The following A1BG variants were observed in gnomAD, a reference collection of about 807,000 sequenced individuals.
A1BG encodes the protein alpha-1-B glycoprotein.
In A1BG, 44 loss-of-function variants were observed where a neutral mutation model predicts 46.0. The ratio of observed to expected loss-of-function variants is 0.96; its 90% CI spans 0.75 to 1.23. A1BG has a LOEUF of 1.23. Among genes scored for constraint, A1BG ranks in the 50% most tolerant of loss-of-function variants. The probability of loss-of-function intolerance (pLI) is 0.00; values close to 1 mark genes in which losing one functional copy is unlikely to be tolerated. For synonymous variants in A1BG, 316 were observed against 314.7 expected, an observed-to-expected ratio of 1.00 and a Z score of -0.04; for missense variants, 707 against 688.8, an observed-to-expected ratio of 1.03 and a Z score of -0.30.
rs2051914478 is a variant in A1BG, at chr19:58,346,491, AG to A, written c.*530del. ...GTAGTCCCAGCTACTCAGGAGGCTG[AG>A]GTGGGAGGATCACTTAAGGCCAGGA... On this transcript the variant is annotated 3_prime_UTR_variant, in exon 8 of 8. Coordinates refer to ENST00000263100, the MANE Select transcript of A1BG (RefSeq NM_130786.4). The A allele has an allele frequency of 5.3e-6, 1 of 188,934 alleles. No homozygotes were observed. Among genetic ancestry groups the A allele is most frequent in the Admixed American group, 5.5e-5 (1 of 18,160 alleles). 11.7% of individuals were successfully genotyped at this position (188,934 alleles called of 1,614,324 possible).
intron 6 of A1BG, chr19:58,349,511 C>T (rs1275607747): frequency 6.6e-6 from 1 of 151,778 alleles, no homozygotes; most frequent in African/African-American, 2.4e-5. Flanking sequence ...ATTAGGTGGG[C>T]ATGGTGGCAT....
In A1BG at chr19:58,350,484, CGAA is replaced by C; in HGVS notation, c.1075_1077del (p.Phe359del). On this transcript the variant is annotated inframe_deletion, in exon 6 of 8. Coordinates refer to ENST00000263100, the MANE Select transcript of A1BG (RefSeq NM_130786.4). ...TCAGCCACGGAAATGTTGTGCAGCT[CGAA>C]GAGCGCCTCGGTCCCAGCGGGGCTC... 6.4e-7 allele frequency: 1 copy of C among 1,556,408 alleles called. No individual in the cohort carries two copies. The highest frequency in any genetic ancestry group is 8.7e-7 in the Non-Finnish European group (1 of 1,150,644).
In A1BG at chr19:58,350,392, C is replaced by T. The variant is rs1424401062; in HGVS notation, c.1170G>A (p.Glu390=). ...KPPFGGSAPS[E]RLELHVDGPP... ...CACCGTCCACGTGCAGCTCCAAGCG[C>T]TCGCTGGGCGCGGAGCCCCCGAAAG... The change falls in exon 6 of 8, where the codon GAG becomes GAA. Residue 390 remains glutamate, a synonymous_variant. Transcript: ENST00000263100. 5.2e-6 allele frequency: 8 copies of T among 1,548,438 alleles called. No homozygotes were observed. Among genetic ancestry groups the T allele is most frequent in the African/African-American group, 4.1e-5 (3 of 72,964 alleles).
At position 58,347,706 on chromosome 19, in the gene A1BG, G is replaced by C. The variant is rs1001775652; in HGVS notation, c.1193-66C>G. On this transcript the variant is annotated intron_variant, in intron 6 of 7. Coordinates refer to ENST00000263100, the MANE Select transcript of A1BG (RefSeq NM_130786.4). ...AGGCCACGCCCCAGGCCACACCCCAGGCCACACCCCAGGCCGCGCCCGCGC... is the reference window on the plus strand; with the variant it reads ...AGGCCACGCCCCAGGCCACACCCCACGCCACACCCCAGGCCGCGCCCGCGC... The C allele has an allele frequency of 5.0e-6, 6 of 1,204,942 alleles. No individual in the cohort carries two copies. In the African/African-American group the frequency reaches 9.6e-5, roughly 19 times the overall value. 74.6% of individuals were successfully genotyped at this position (1,204,942 alleles called of 1,614,324 possible).
At position 58,353,302 on chromosome 19, in the gene A1BG, T is replaced by G; in HGVS notation, c.60A>C (p.Glu20Asp). The change falls in exon 2 of 8, where the codon GAA becomes GAC. Residue 20 changes from glutamate to aspartate, a missense_variant. Transcript: ENST00000263100. ...CACCCCTGCACTCACATATGGCTGC[T>G]TCTGTCACTGGGCCCCAGGTGACAC... ...LWGVTWGPVTEAAIFYETQPS... is the reference protein window; with the variant it reads ...LWGVTWGPVTDAAIFYETQPS... The G allele has an allele frequency of 6.2e-7, 1 of 1,613,434 alleles. No homozygotes were observed. The highest frequency in any genetic ancestry group is 8.5e-7 in the Non-Finnish European group (1 of 1,179,806).
intron 6 of A1BG, chr19:58,349,249 T>A (rs1239830752): frequency 2.0e-5 from 3 of 151,996 alleles, no homozygotes; most frequent in Non-Finnish European, 4.4e-5. Flanking sequence ...AACTCCTGAT[T>A]TTGTGATCCA....
At position 58,347,519 on chromosome 19, in the gene A1BG, G is replaced by A. The variant is rs767365634; in HGVS notation, c.1314C>T (p.Gly438=). 3 of 1,581,436 alleles carry A rather than the reference G, an allele frequency of 1.9e-6. No individual in the cohort carries two copies. The highest frequency in any genetic ancestry group is 2.6e-6 in the Non-Finnish European group (3 of 1,163,566). Residue 438 remains glycine (G), a synonymous_variant, in exon 7 of 8, where the codon GGC becomes GGT. Coordinates refer to ENST00000263100, the MANE Select transcript of A1BG (RefSeq NM_130786.4). ...GGACCGTCTTCACGGCCTTCGTCTC[G>A]CCCTCGCGCAGCAGCTCGAAGGTGA... ...PDVTFELLRE[G]ETKAVKTVRT... is the part of the protein sequence containing the mutation.
rs2051958086 is a variant in A1BG, at chr19:58,351,492, G to A, written c.809C>T (p.Ala270Val). ...DRIFFHLNAVALGDGGHYTCR... is the reference protein window; with the variant it reads ...DRIFFHLNAVVLGDGGHYTCR... ...GGTGTAGTGACCTCCATCCCCCAGG[G>A]CCACCGCGTTCAGGTGAAAGAAGAT... The change falls in exon 5 of 8, where the codon GCC (alanine) becomes GTC (valine). Residue 270 changes from alanine (A) to valine (V), a missense_variant. Ala to Val is a moderately conservative substitution (Grantham distance 64, BLOSUM62 0). Transcript: ENST00000263100. 2 of 1,613,678 alleles carry A rather than the reference G, an allele frequency of 1.2e-6. No individual in the cohort carries two copies. The highest frequency in any genetic ancestry group is 1.7e-6 in the Non-Finnish European group (2 of 1,180,040).
At chr19:58,350,321 G>A (rs950762233) in intron 6 of A1BG, 49 bp downstream of exon 6, 5 of 1,497,580 alleles carry the variant, frequency 3.3e-6, no homozygotes, top group African/African-American at 2.9e-5. Context: ...AGGAGGCCCC[G>A]AGGGGCACTG....
At position 58,345,798 on chromosome 19, in the gene A1BG, T is replaced by C. The variant is rs973511848; in HGVS notation, c.*1224A>G. 4 of 152,268 alleles carry C rather than the reference T, an allele frequency of 2.6e-5. No homozygotes were observed. The highest frequency in any genetic ancestry group is 7.2e-5 in the African/African-American group (3 of 41,462). 9.4% of individuals were successfully genotyped at this position (152,268 alleles called of 1,614,324 possible). A position where few individuals can be genotyped will look rare whatever the true frequency, so the allele number is the denominator to read the frequency against. On this transcript the variant is annotated 3_prime_UTR_variant, in exon 8 of 8. Transcript: ENST00000263100. ...GCAGACATTAAAAGGCATAGGCATA[T>C]TAGGAACTAGATATTACTAAGGCAG...
chr19:58,347,822 C>T (rs1404917145), intron 6 of A1BG, 182 bp from the exon 7 acceptor site: 14 of 360,728 alleles, frequency 3.9e-5, no homozygotes, highest in Non-Finnish European at 6.9e-5. Flanking sequence ...GCTGCCTTCA[C>T]ACCCCGGACA....
chr19:58,351,952 C>T (rs1600505767), intron 4 of A1BG: 1 of 779,460 alleles, frequency 1.3e-6, no homozygotes, highest in East Asian at 2.8e-5. Context: ...CCTGCCACCA[C>T]ACCTGGCTAA....
chr19:58,351,417 G>C lies in A1BG; in HGVS notation c.884C>G (p.Ala295Gly). 6.2e-7 allele frequency: 1 copy of C among 1,612,354 alleles called. No homozygotes were observed. Among genetic ancestry groups the C allele is most frequent in the Non-Finnish European group, 8.5e-7 (1 of 1,180,004 alleles). Residue 295 changes from alanine to glycine, a missense_variant, in exon 5 of 8, where the codon GCG (alanine) becomes GGG (glycine). Transcript: ENST00000263100. ...ATCGCTCAGAATCAGCTCGACCGGC[G>C]CGCTGTCCCCGGACCAGCCGTTTTG... The part of the protein sequence containing the change: ...DNQNGWSGDS[A>G]PVELILSDET...
Position 58,346,860 on chromosome 19 carries a change from A to T in A1BG, c.*162T>A. Reference sequence around the variant, plus strand: ...CCCTGGGAGTCCAAAGACATTTTAAACAGAGCCTCTCTTCACATTTATTAA... The same window carrying T: ...CCCTGGGAGTCCAAAGACATTTTAATCAGAGCCTCTCTTCACATTTATTAA... On this transcript the variant is annotated 3_prime_UTR_variant, in exon 8 of 8. Coordinates refer to ENST00000263100, the MANE Select transcript of A1BG (RefSeq NM_130786.4). 1.4e-6 allele frequency: 1 copy of T among 740,066 alleles called. No individual in the cohort carries two copies. The highest frequency in any genetic ancestry group is 2.3e-6 in the Non-Finnish European group (1 of 433,892). 45.8% of individuals were successfully genotyped at this position (740,066 alleles called of 1,614,324 possible).
chr19:58,349,552 G>A (rs1355473497), intron 6 of A1BG: 1 of 151,908 alleles, frequency 6.6e-6, no homozygotes, highest in African/African-American at 2.4e-5. Flanking sequence ...TCAGGAGGCT[G>A]AGGCAGGAGA....
chr19:58,346,617 G>A lies in A1BG; in HGVS notation c.*405C>T. The A allele has an allele frequency of 3.8e-6, 1 of 264,654 alleles. No homozygotes were observed. Among genetic ancestry groups the A allele is most frequent in the South Asian group, 3.6e-5 (1 of 27,548 alleles). The allele number at this position is 264,654 out of a possible 1,614,324, so 16.4% of individuals were successfully genotyped here. On this transcript the variant is annotated 3_prime_UTR_variant, in exon 8 of 8. Coordinates refer to ENST00000263100, the MANE Select transcript of A1BG (RefSeq NM_130786.4). ...TGCCCAGGCTCCCAGCTACTTGGGA[G>A]GCTGAGGCAGGAGGATCGCTTGAGC...
Position 58,351,693 on chromosome 19 carries a change from A to G in A1BG, c.614-6T>C. 1 of 1,572,070 alleles carries G rather than the reference A, an allele frequency of 6.4e-7. No homozygotes were observed. The highest frequency in any genetic ancestry group is 8.6e-7 in the Non-Finnish European group (1 of 1,158,892). On this transcript the variant is annotated splice_region_variant and splice_polypyrimidine_tract_variant and intron_variant, in intron 4 of 7. Coordinates refer to ENST00000263100, the MANE Select transcript of A1BG (RefSeq NM_130786.4). ...CACAGGCGGTGGTGGTGCAGCTGCA[A>G]TGCAGGCAGCATTACTAGGCTGCCC...
chr19:58,346,774 T>C lies in A1BG; in HGVS notation c.*248A>G. On this transcript the variant is annotated 3_prime_UTR_variant, in exon 8 of 8. Coordinates refer to ENST00000263100, the MANE Select transcript of A1BG (RefSeq NM_130786.4). ...CTTAAGAGCCAGTTCTCCACTCCTC[T>C]ACCTCAGGAGCCACCCCAGAACCCA... 1 of 609,086 alleles carries C rather than the reference T, an allele frequency of 1.6e-6. No individual in the cohort carries two copies. The highest frequency in any genetic ancestry group is 2.0e-5 in the South Asian group (1 of 51,224). The allele number at this position is 609,086 out of a possible 1,614,324, so 37.7% of individuals were successfully genotyped here. A position where few individuals can be genotyped will look rare whatever the true frequency, so the allele number is the denominator to read the frequency against.
intron 6 of A1BG, chr19:58,347,845 G>C (rs1307775062): frequency 2.9e-6 from 1 of 345,492 alleles, no homozygotes; most frequent in Non-Finnish European, 5.2e-6. Context: ...CGCGCCACAC[G>C]TGAGTGTCCC....
Sources: gnomAD v4.1 joint callset for allele counts on GRCh38, gnomAD v4.1.1 for gene constraint, MANE v1.5 for transcripts, NCBI Gene and HGNC (gene_info 2026-07-23, HGNC 2026-07-21) for gene names.